The following CD226 variants were observed in gnomAD, a reference collection of about 807,000 sequenced individuals.
The protein encoded by CD226 is CD226 molecule.
In CD226, 24 loss-of-function variants were observed where a neutral mutation model predicts 34.9. That is an observed-to-expected ratio of 0.69 (90% CI 0.50 to 0.97). The LOEUF (loss-of-function observed/expected upper bound fraction) is 0.97. Ranked by LOEUF, CD226 falls within the 50% of genes least tolerant of loss-of-function variation. CD226 has a pLI of 0.00. For synonymous variants in CD226, 148 were observed against 147.4 expected, an observed-to-expected ratio of 1.00 and a Z score of -0.03; for missense variants, 397 against 412.7, an observed-to-expected ratio of 0.96 and a Z score of 0.33.
At chr18:69,867,327 G>A in intron 5 of CD226, 30 bp downstream of exon 5, 1 of 1,499,486 alleles carries the variant, frequency 6.7e-7, no homozygotes, top group Non-Finnish European at 9.3e-7. Flanking sequence ...AATTACAAAA[G>A]AAAAAAATGA....
chr18:69,947,663 A>C lies in CD226; in HGVS notation c.-257T>G. 2.9e-6 allele frequency: 1 copy of C among 346,034 alleles called. No individual in the cohort carries two copies. The highest frequency in any genetic ancestry group is 5.1e-6 in the Non-Finnish European group (1 of 194,482). The allele number at this position is 346,034 out of a possible 1,614,324, so 21.4% of individuals were successfully genotyped here. ...TATTTTCGGGCTTTCATTTTCTACA[A>C]GGAGTCATTCATTCAACAAACATGT... On this transcript the variant is annotated 5_prime_UTR_variant, in exon 1 of 6. Transcript: ENST00000582621.
intron 3 of CD226, among the ~76,000 whole-genome samples, chr18:69,877,017 C>T (rs1026036505): frequency 3.3e-5 from 5 of 152,066 alleles, no homozygotes; most frequent in African/African-American, 4.8e-5. Flanking sequence ...GCACCCGCCA[C>T]TACGTCCAGC....
chr18:69,901,263 G>A (rs1411122841), intron 2 of CD226, among the ~76,000 whole-genome samples: 2 of 152,170 alleles, frequency 1.3e-5, no homozygotes, highest in Non-Finnish European at 2.9e-5. Flanking sequence ...CATAGAACTG[G>A]AGAAATGCAA....
chr18:69,934,471 C>A (rs114553455), intron 2 of CD226, among the ~76,000 whole-genome samples: 17 of 152,320 alleles, frequency 1.1e-4, no homozygotes, highest in African/African-American at 3.4e-4. Flanking sequence ...TTAAATGGTG[C>A]AGCTAAATGC....
chr18:69,869,571 G>C (rs1983372918), intron 4 of CD226, among the ~76,000 whole-genome samples: 3 of 152,070 alleles, frequency 2.0e-5, no homozygotes, highest in Admixed American at 2.0e-4. Context: ...TTAATACCTG[G>C]GTGATGCAAT....
In CD226 at chr18:69,861,168, T is replaced by C. The variant is rs1001601349; in HGVS notation, c.*3146A>G. On this transcript the variant is annotated 3_prime_UTR_variant, in exon 6 of 6. Coordinates refer to ENST00000582621, the MANE Select transcript of CD226 (RefSeq NM_001303618.2). Reference sequence around the variant, plus strand: ...ATTTTAAGTTTATATATATAGTATTTTAGTAATACACTGAATTACTTAAAA... The same window carrying C: ...ATTTTAAGTTTATATATATAGTATTCTAGTAATACACTGAATTACTTAAAA... The C allele has an allele frequency of 1.3e-4, 20 of 152,078 alleles. No individual in the cohort carries two copies. Among genetic ancestry groups the C allele is most frequent in the African/African-American group, 4.8e-4 (20 of 41,452 alleles). 9.4% of individuals were successfully genotyped at this position (152,078 alleles called of 1,614,324 possible). A position where few individuals can be genotyped will look rare whatever the true frequency, so the allele number is the denominator to read the frequency against.
chr18:69,929,205 T>C (rs1459354236), intron 2 of CD226, among the ~76,000 whole-genome samples: 8 of 152,220 alleles, frequency 5.3e-5, no homozygotes, highest in Admixed American at 3.9e-4. Flanking sequence ...CATCCAGATG[T>C]GCATATGAGT....
At chr18:69,952,267 C>G (rs778792128), upstream of CD226, among the ~76,000 whole-genome samples, 7 of 152,046 alleles carry the variant, frequency 4.6e-5, no homozygotes, top group Non-Finnish European at 1.0e-4. Flanking sequence ...ACACTGGAGA[C>G]TTGGAAGAAT....
chr18:69,921,833 T>C (rs2055455608), intron 2 of CD226, among the ~76,000 whole-genome samples: 1 of 152,198 alleles, frequency 6.6e-6, no homozygotes. Flanking sequence ...TTCCTCCGGG[T>C]TTTTTGTTTT....
At chr18:69,956,167 A>G (rs998888099) in intron 1 of CD226, among the ~76,000 whole-genome samples, 3 of 152,250 alleles carry the variant, frequency 2.0e-5, no homozygotes, top group Admixed American at 6.5e-5. Flanking sequence ...TGATTTCCAT[A>G]AACAGTTTGG....
At chr18:69,937,305 A>T (rs149809445) in intron 2 of CD226, among the ~76,000 whole-genome samples, 1,548 of 152,262 alleles carry the variant, frequency 0.01, 27 homozygotes, top group African/African-American at 0.036. Context: ...AGTAGGTTAC[A>T]CTGGAGCCTA....
At chr18:69,938,162 C>T (rs2055678543) in intron 2 of CD226, among the ~76,000 whole-genome samples, 1 of 152,164 alleles carries the variant, frequency 6.6e-6, no homozygotes, top group Non-Finnish European at 1.5e-5. Context: ...ACAGAGTCAG[C>T]AAACATACAA....
upstream of CD226, among the ~76,000 whole-genome samples, chr18:69,950,373 A>C (rs1224228891): frequency 1.3e-5 from 2 of 152,184 alleles, no homozygotes; most frequent in South Asian, 2.1e-4. Flanking sequence ...TCATGCCCCC[A>C]GTCTAGTTGG....
rs1233596189 is a variant in CD226 at position 69,863,360 on chromosome 18, A to C, written c.*954T>G. ...GTAGACAAAATATGTCCAAAACATT[A>C]AGTTATTTATTATTCGACTATCTAC... is the stretch of plus-strand genomic sequence containing the variant. On this transcript the variant is annotated 3_prime_UTR_variant, in exon 6 of 6. Transcript: ENST00000582621. The C allele has an allele frequency of 6.6e-6, 1 of 152,208 alleles. No individual in the cohort carries two copies. The highest frequency in any genetic ancestry group is 6.5e-5 in the Admixed American group (1 of 15,280). The allele number at this position is 152,208 out of a possible 1,614,324, so 9.4% of individuals were successfully genotyped here.
Position 69,858,739 on chromosome 18 carries a change from T to TTTTTC in CD226, c.*5574_*5575insGAAAA. On this transcript the variant is annotated 3_prime_UTR_variant, in exon 6 of 6. Coordinates refer to ENST00000582621, the MANE Select transcript of CD226 (RefSeq NM_001303618.2). ...TTAACTTTTTTTTTTTTTTTTTTTT[T>TTTTTC]TTTTTTTTGAGACGGAGTCTCGCTC... The TTTTTC allele has an allele frequency of 7.6e-6, 1 of 132,356 alleles. No individual in the cohort carries two copies. Among genetic ancestry groups the TTTTTC allele is most frequent in the Non-Finnish European group, 1.6e-5 (1 of 62,416 alleles). The allele number at this position is 132,356 out of a possible 1,614,324, so 8.2% of individuals were successfully genotyped here. A position where few individuals can be genotyped will look rare whatever the true frequency, so the allele number is the denominator to read the frequency against.
At chr18:69,904,820 A>C (rs1022822425) in intron 2 of CD226, among the ~76,000 whole-genome samples, 1 of 152,216 alleles carries the variant, frequency 6.6e-6, no homozygotes, top group African/African-American at 2.4e-5. Flanking sequence ...TTGGCCCCCC[A>C]GGTTAGACAA....
At chr18:69,902,058 T>C (rs2055193316) in intron 2 of CD226, among the ~76,000 whole-genome samples, 1 of 152,222 alleles carries the variant, frequency 6.6e-6, no homozygotes, top group East Asian at 1.9e-4. Context: ...CTGAAGTAGC[T>C]TTCCCAAAGA....
intron 2 of CD226, among the ~76,000 whole-genome samples, chr18:69,922,086 G>A (rs2055458861): frequency 1.3e-5 from 2 of 152,138 alleles, no homozygotes; most frequent in South Asian, 4.1e-4. Flanking sequence ...GTGTACAAAA[G>A]TCTGGAAAAA....
In CD226 at chr18:69,895,700, C is replaced by T; in HGVS notation, c.727+1G>A. On this transcript the variant is annotated splice_donor_variant, in intron 3 of 5. Coordinates refer to ENST00000582621, the MANE Select transcript of CD226 (RefSeq NM_001303618.2). LOFTEE classifies it high-confidence loss of function. The stretch of plus-strand genomic sequence containing the variant: ...CCAGAAGATGTCTGGTGCTCACTCA[C>T]CCTCGGCTACAGTCAATCTCATCAC... 2 of 1,607,856 alleles carry T rather than the reference C, an allele frequency of 1.2e-6. No homozygotes were observed. The highest frequency in any genetic ancestry group is 1.7e-6 in the Non-Finnish European group (2 of 1,174,642).
Sources: gnomAD v4.1 joint callset for allele counts (sites outside exome capture counted in the v4.1 genomes callset) on GRCh38, gnomAD v4.1.1 for gene constraint, MANE v1.5 for transcripts, NCBI Gene and HGNC (gene_info 2026-07-23, HGNC 2026-07-21) for gene names.